Variants in SH3PXD2B observed in about 807,000 individuals in gnomAD.
SH3PXD2B encodes the protein SH3 and PX domains 2B, also known as SH3 and PX domain-containing protein 2B.
A neutral mutation model predicts 73.1 loss-of-function variants in SH3PXD2B; 37 were observed. The observed-to-expected ratio is 0.51, with a 90% CI of 0.39 to 0.67. The LOEUF (loss-of-function observed/expected upper bound fraction) is 0.67, where lower values mean the gene tolerates loss of function less well. Ranked by LOEUF, SH3PXD2B falls within the 30% of genes least tolerant of loss-of-function variation. The pLI is 0.00. For synonymous variants in SH3PXD2B, 457 were observed against 480.5 expected (o/e 0.95, Z 0.64); for missense variants, 1,053 against 1,197.8 (o/e 0.88, Z 1.78).
chr5:172,395,820 T>A (rs1758281149), intron 3 of SH3PXD2B, among the ~76,000 whole-genome samples: 1 of 151,346 alleles, frequency 6.6e-6, no homozygotes, highest in Non-Finnish European at 1.5e-5. Flanking sequence ...CAACCGGGGG[T>A]ATCTATGGGT....
At chr5:172,424,667 C>G (rs1337054673) in intron 1 of SH3PXD2B, among the ~76,000 whole-genome samples, 1 of 152,170 alleles carries the variant, frequency 6.6e-6, no homozygotes, top group East Asian at 1.9e-4. Flanking sequence ...ATGGCCTCAT[C>G]AAACCCAACA....
At position 172,336,997 on chromosome 5, in the gene SH3PXD2B, C is replaced by T. The variant is rs1193980328; in HGVS notation, c.*1372G>A. The T allele has an allele frequency of 1.2e-5, 12 of 985,402 alleles. No homozygotes were observed. The highest frequency in any genetic ancestry group is 6.1e-5 in the Admixed American group (1 of 16,262). 61.0% of individuals were successfully genotyped at this position (985,402 alleles called of 1,614,324 possible). A position where few individuals can be genotyped will look rare whatever the true frequency, so the allele number is the denominator to read the frequency against. ...TTGGTTACCTGCCTCCCTATGGGAC[C>T]GCTGCATGCTATGCTCAGAGCCCTC... On this transcript the variant is annotated 3_prime_UTR_variant, in exon 13 of 13. Transcript: ENST00000311601.
At chr5:172,348,702 T>TCTATCTAC (rs1757081040) in intron 10 of SH3PXD2B, among the ~76,000 whole-genome samples, 1 of 38,278 alleles carries the variant, frequency 2.6e-5, no homozygotes, top group African/African-American at 7.3e-5. Context: ...TATCTATCTA[T>TCTATCTAC]CTATCTATTT....
intron 6 of SH3PXD2B, among the ~76,000 whole-genome samples, chr5:172,372,168 A>C (rs1054963932): frequency 2.0e-5 from 3 of 152,020 alleles, no homozygotes; most frequent in Non-Finnish European, 4.4e-5. Context: ...TCCCCACCCA[A>C]ATCTCATGTC....
chr5:172,378,691 G>A (rs1173748697), intron 5 of SH3PXD2B, among the ~76,000 whole-genome samples: 2 of 152,164 alleles, frequency 1.3e-5, no homozygotes, highest in African/African-American at 4.8e-5. Flanking sequence ...GCAATTCTGT[G>A]AGGGAGGTGT....
chr5:172,370,980 T>A (rs1244285038), intron 6 of SH3PXD2B, among the ~76,000 whole-genome samples: 1 of 152,192 alleles, frequency 6.6e-6, no homozygotes, highest in East Asian at 1.9e-4. Context: ...GCAAGGATTA[T>A]CACTTTTGTG....
chr5:172,379,184 C>T (rs559031314), intron 5 of SH3PXD2B, among the ~76,000 whole-genome samples: 1 of 151,036 alleles, frequency 6.6e-6, no homozygotes, highest in South Asian at 2.1e-4. Context: ...GTAATTAGGT[C>T]ATAAACGTGG....
chr5:172,410,610 G>C (rs1370808220), intron 2 of SH3PXD2B, among the ~76,000 whole-genome samples: 1 of 152,086 alleles, frequency 6.6e-6, no homozygotes. Flanking sequence ...AAAAACTAAA[G>C]TTTACTGATT....
At position 172,353,835 on chromosome 5, in the gene SH3PXD2B, A is replaced by G; in HGVS notation, c.785+53T>C. On this transcript the variant is annotated intron_variant, in intron 9 of 12. Transcript: ENST00000311601. The surrounding 1 kb of genome is among the most constrained non-coding windows in gnomAD (Gnocchi z 4.3). The stretch of plus-strand genomic sequence containing the variant: ...CCAGAGTCCCTGTGACCCCAAACCC[A>G]CCCAGCGTGACCCCAAACCCACCCA... 2 of 1,463,970 alleles carry G rather than the reference A, an allele frequency of 1.4e-6. No individual in the cohort carries two copies. The highest frequency in any genetic ancestry group is 3.3e-5 in the Admixed American group (2 of 59,796). The allele number at this position is 1,463,970 out of a possible 1,614,324, so 90.7% of individuals were successfully genotyped here. A position where few individuals can be genotyped will look rare whatever the true frequency, so the allele number is the denominator to read the frequency against.
rs1006371649 is a variant in SH3PXD2B at position 172,337,051 on chromosome 5, C to T, written c.*1318G>A. 1 of 985,368 alleles carries T rather than the reference C, an allele frequency of 1.0e-6. No individual in the cohort carries two copies. Among genetic ancestry groups the T allele is most frequent in the Non-Finnish European group, 1.2e-6 (1 of 830,016 alleles). 61.0% of individuals were successfully genotyped at this position (985,368 alleles called of 1,614,324 possible). A position where few individuals can be genotyped will look rare whatever the true frequency, so the allele number is the denominator to read the frequency against. ...GCTGGCCCTCGAGGCCACCTCAGCTCCCGTTGCTCCATAAGCTCTATTCCC... is the reference window on the plus strand; with the variant it reads ...GCTGGCCCTCGAGGCCACCTCAGCTTCCGTTGCTCCATAAGCTCTATTCCC... On this transcript the variant is annotated 3_prime_UTR_variant, in exon 13 of 13. Coordinates refer to ENST00000311601, the MANE Select transcript of SH3PXD2B (RefSeq NM_001017995.3).
chr5:172,387,830 G>C (rs1158601531), intron 4 of SH3PXD2B, among the ~76,000 whole-genome samples: 1 of 151,960 alleles, frequency 6.6e-6, no homozygotes, highest in Non-Finnish European at 1.5e-5. Context: ...TTTTGTGCTT[G>C]GTATCCTTTT....
Position 172,358,711 on chromosome 5 carries a change from C to A in SH3PXD2B, c.667+62G>T, listed in dbSNP as rs1161635343. The A allele has an allele frequency of 1.3e-5, 19 of 1,465,468 alleles. No homozygotes were observed. In the East Asian group the frequency reaches 3.9e-4, roughly 30 times the overall value. 90.8% of individuals were successfully genotyped at this position (1,465,468 alleles called of 1,614,324 possible). A position where few individuals can be genotyped will look rare whatever the true frequency, so the allele number is the denominator to read the frequency against. On this transcript the variant is annotated intron_variant, in intron 8 of 12. Coordinates refer to ENST00000311601, the MANE Select transcript of SH3PXD2B (RefSeq NM_001017995.3). The stretch of plus-strand genomic sequence containing the variant: ...AGAAGAGATTGGATGAAAAGGCAAC[C>A]CAGTATAGGCGATGACTGCACAGGT...
intron 3 of SH3PXD2B, among the ~76,000 whole-genome samples, chr5:172,401,939 A>T (rs1758429220): frequency 6.6e-6 from 1 of 152,218 alleles, no homozygotes; most frequent in Admixed American, 6.5e-5. Context: ...TGTTTAAACA[A>T]CATGAAATCT....
chr5:172,440,933 T>C (rs1003960883), intron 1 of SH3PXD2B, among the ~76,000 whole-genome samples: 9 of 152,134 alleles, frequency 5.9e-5, no homozygotes, highest in South Asian at 2.1e-4. Context: ...CTGTGAAGTA[T>C]AAATGGGATT....
chr5:172,420,979 G>A (rs1758952928), intron 2 of SH3PXD2B, among the ~76,000 whole-genome samples: 1 of 152,146 alleles, frequency 6.6e-6, no homozygotes, highest in Admixed American at 6.5e-5. Context: ...CTCCTAGGAC[G>A]TTCAGTTACA....
chr5:172,389,422 ACTCT>A (rs901894565), intron 4 of SH3PXD2B, among the ~76,000 whole-genome samples: 4 of 151,586 alleles, frequency 2.6e-5, no homozygotes, highest in South Asian at 2.1e-4. Flanking sequence ...CTTGAGTCCA[ACTCT>A]CTAACACTCA....
chr5:172,434,698 G>T (rs1220153605), intron 1 of SH3PXD2B, among the ~76,000 whole-genome samples: 2 of 152,102 alleles, frequency 1.3e-5, no homozygotes, highest in Non-Finnish European at 2.9e-5. Context: ...ATTCCTGGCT[G>T]GCATTAATTA....
intron 2 of SH3PXD2B, among the ~76,000 whole-genome samples, chr5:172,416,484 C>T (rs573448920): frequency 1.3e-5 from 2 of 151,894 alleles, no homozygotes; most frequent in Non-Finnish European, 2.9e-5. Context: ...CCCACAACCA[C>T]GCCCAGCTAG....
chr5:172,439,292 C>T (rs74631024), intron 1 of SH3PXD2B, among the ~76,000 whole-genome samples: 11 of 44,200 alleles, frequency 2.5e-4, no homozygotes, highest in Admixed American at 1.7e-3. Context: ...AAAAAAAAAA[C>T]CCCAAAAAAA....
Sources: gnomAD v4.1 joint callset for allele counts (sites outside exome capture counted in the v4.1 genomes callset) on GRCh38, gnomAD v4.1.1 for gene constraint, Gnocchi (gnomAD v3.1) non-coding constraint, MANE v1.5 for transcripts, NCBI Gene and HGNC (gene_info 2026-07-23, HGNC 2026-07-21) for gene names.